IFT80: variants seen among roughly 807,000 people sequenced by gnomAD.
IFT80 encodes intraflagellar transport protein 80 homolog.
A neutral mutation model predicts 107.9 loss-of-function variants in IFT80; 79 were observed. That is an observed-to-expected ratio of 0.73 (90% CI 0.61 to 0.88). IFT80 has a LOEUF of 0.88. Ranked by LOEUF, IFT80 falls within the 40% of genes least tolerant of loss-of-function variation. The probability of loss-of-function intolerance (pLI) is 0.00; values close to 1 mark genes in which losing one functional copy is unlikely to be tolerated. For missense variants in IFT80, 797 were observed against 914.2 expected (o/e 0.87, Z 1.65); for synonymous variants, 299 against 300.9 (o/e 0.99, Z 0.07).
chr3:160,378,260 G>T (rs550768964), intron 3 of IFT80, among the ~76,000 whole-genome samples: 16 of 148,452 alleles, frequency 1.1e-4, no homozygotes, highest in African/African-American at 4.0e-4. Flanking sequence ...AAAAAGTAAA[G>T]ACTGCAAAAT....
chr3:160,277,866 C>T (rs1465563890), intron 16 of IFT80, among the ~76,000 whole-genome samples, 196 bp from the exon 17 acceptor site: 1 of 151,592 alleles, frequency 6.6e-6, no homozygotes, highest in Non-Finnish European at 1.5e-5. Flanking sequence ...ACACAGAAAA[C>T]TTTTGAATGA....
intron 19 of IFT80, among the ~76,000 whole-genome samples, chr3:160,266,787 T>C (rs1447904128): frequency 1.3e-5 from 2 of 152,174 alleles, no homozygotes; most frequent in Non-Finnish European, 2.9e-5. Context: ...TTTAAAATTA[T>C]ACAATAAACA....
chr3:160,276,943 C>T (rs978795981), intron 18 of IFT80, among the ~76,000 whole-genome samples: 4 of 152,130 alleles, frequency 2.6e-5, no homozygotes, highest in Non-Finnish European at 5.9e-5. Flanking sequence ...CTTATGAGCT[C>T]CAGGTCCATT....
chr3:160,309,473 A>T lies in IFT80; in HGVS notation c.958-1692T>A, dbSNP rs191131629. 8.5e-4 allele frequency among the ~76,000 whole-genome samples: 129 copies of T among 152,260 alleles called. 1 individual carries two copies. In the South Asian group the frequency reaches 0.026, roughly 30 times the overall value. ...TGGGAGGCCAAGGCAGGCAGATAAC[A>T]AGGTCAGATCGAGACCATCCTGGCT... On this transcript the variant is annotated intron_variant, in intron 9 of 19. Coordinates refer to ENST00000326448, the MANE Select transcript of IFT80 (RefSeq NM_020800.3).
chr3:160,285,100 G>A (rs907601551), intron 13 of IFT80, among the ~76,000 whole-genome samples: 1 of 151,940 alleles, frequency 6.6e-6, no homozygotes. Flanking sequence ...GAACTTTGGG[G>A]GTCTGAGGCG....
chr3:160,281,327 C>CATTG (rs1198338841), intron 14 of IFT80, among the ~76,000 whole-genome samples: 1 of 152,222 alleles, frequency 6.6e-6, no homozygotes, highest in African/African-American at 2.4e-5. Flanking sequence ...GAATAACCAC[C>CATTG]ATTGCCCCTC....
chr3:160,348,259 G>T (rs560693636), intron 8 of IFT80, among the ~76,000 whole-genome samples: 1 of 152,010 alleles, frequency 6.6e-6, no homozygotes, highest in Non-Finnish European at 1.5e-5. Context: ...AAATTCAAAC[G>T]GTAGCTTTCC....
intron 15 of IFT80, among the ~76,000 whole-genome samples, chr3:160,279,899 G>T (rs1323571834): frequency 6.6e-6 from 1 of 152,148 alleles, no homozygotes; most frequent in Non-Finnish European, 1.5e-5. Flanking sequence ...TCCAGCTTTG[G>T]CAACAGAGTG....
At position 160,300,870 on chromosome 3, in the gene IFT80, A is replaced by C. The variant is rs1208321078; in HGVS notation, c.1315+13T>G. 1 of 1,582,622 alleles carries C rather than the reference A, an allele frequency of 6.3e-7. No homozygotes were observed. Among genetic ancestry groups the C allele is most frequent in the South Asian group, 1.2e-5 (1 of 85,682 alleles). Reference sequence around the variant, plus strand: ...TTCATATTTGACAGGAAAAATTATAAAAATATACTTACTTTTTTCATCAGC... The same window carrying C: ...TTCATATTTGACAGGAAAAATTATACAAATATACTTACTTTTTTCATCAGC... On this transcript the variant is annotated intron_variant, in intron 12 of 19. Transcript: ENST00000326448.
At chr3:160,345,975 T>C (rs1339051088) in intron 8 of IFT80, among the ~76,000 whole-genome samples, 1 of 152,192 alleles carries the variant, frequency 6.6e-6, no homozygotes, top group East Asian at 1.9e-4. Flanking sequence ...TATTATACAT[T>C]GCATGCCTGC....
At chr3:160,376,595 T>C (rs1174074234) in intron 4 of IFT80, among the ~76,000 whole-genome samples, 4 of 152,202 alleles carry the variant, frequency 2.6e-5, no homozygotes, top group Admixed American at 2.6e-4. Flanking sequence ...TTAATTTCCC[T>C]CTCTTCCACT....
At chr3:160,362,524 C>T (rs920458577) in intron 6 of IFT80, among the ~76,000 whole-genome samples, 29 of 152,158 alleles carry the variant, frequency 1.9e-4, no homozygotes, top group African/African-American at 7.0e-4. Context: ...TTTTATGAGG[C>T]CAGCATCATG....
At chr3:160,319,681 A>G in intron 9 of IFT80, 79 bp downstream of exon 9, 1 of 1,159,552 alleles carries the variant, frequency 8.6e-7, no homozygotes. Flanking sequence ...AATATAATTA[A>G]TGAAGATAAT....
In IFT80 at chr3:160,288,177, C is replaced by A. The variant is rs550224770; in HGVS notation, c.1316-2309G>T. ...GGCTACGATGTCTCTACTAAAAATA[C>A]AAAAAATTAGCCAGGCGTGGCAGCC... On this transcript the variant is annotated intron_variant, in intron 12 of 19. Coordinates refer to ENST00000326448, the MANE Select transcript of IFT80 (RefSeq NM_020800.3). Among the ~76,000 whole-genome samples the A allele has an allele frequency of 1.4e-4, 22 of 152,110 alleles. No individual in the cohort carries two copies. In the South Asian group the frequency reaches 4.4e-3, roughly 30 times the overall value.
At chr3:160,322,023 T>A (rs529821486) in intron 8 of IFT80, among the ~76,000 whole-genome samples, 1 of 147,990 alleles carries the variant, frequency 6.8e-6, no homozygotes, top group African/African-American at 2.4e-5. Context: ...TATTTATTTA[T>A]TTATTTATTT....
At chr3:160,368,000 T>G (rs987732817) in intron 5 of IFT80, among the ~76,000 whole-genome samples, 28 of 152,066 alleles carry the variant, frequency 1.8e-4, no homozygotes, top group African/African-American at 6.3e-4. Flanking sequence ...AACCATCTTT[T>G]AAAAATTGTC....
At chr3:160,382,791 C>T (rs753584090) in intron 2 of IFT80, among the ~76,000 whole-genome samples, 8 of 152,078 alleles carry the variant, frequency 5.3e-5, no homozygotes, top group Non-Finnish European at 1.0e-4. Context: ...GACAATGCGC[C>T]TAATTATTCT....
chr3:160,289,064 C>G (rs911440086), intron 12 of IFT80, among the ~76,000 whole-genome samples: 11 of 152,180 alleles, frequency 7.2e-5, no homozygotes, highest in Non-Finnish European at 2.9e-5. Flanking sequence ...AACTTAAATG[C>G]CCATCAATAA....
At position 160,337,759 on chromosome 3, in the gene IFT80, T is replaced by A. The variant is rs115349462; in HGVS notation, c.778-17820A>T. Among the ~76,000 whole-genome samples the A allele has an allele frequency of 3.2e-3, 480 of 152,344 alleles. 5 individuals carry two copies. Among genetic ancestry groups the A allele is most frequent in the African/African-American group, 0.011 (465 of 41,578 alleles). Reference sequence around the variant, plus strand: ...GTCTGATGATGTTCTGATTTTCTTCTTTATAAGTGACTTGGTCTTTTCTTT... The same window carrying A: ...GTCTGATGATGTTCTGATTTTCTTCATTATAAGTGACTTGGTCTTTTCTTT... On this transcript the variant is annotated intron_variant, in intron 8 of 19. Coordinates refer to ENST00000326448, the MANE Select transcript of IFT80 (RefSeq NM_020800.3).
Sources: allele counts gnomAD v4.1 joint callset (sites outside exome capture counted in the v4.1 genomes callset), GRCh38; gene constraint gnomAD v4.1.1; transcripts MANE v1.5; gene names NCBI Gene and HGNC (gene_info 2026-07-23, HGNC 2026-07-21).